The following ARHGEF10 variants were observed in gnomAD, a reference collection of about 807,000 sequenced individuals.
ARHGEF10 encodes the protein Rho guanine nucleotide exchange factor 10, also known as Rho guanine nucleotide exchange factor (GEF) 10.
A neutral mutation model predicts 147.4 loss-of-function variants in ARHGEF10; 140 were observed. That is an observed-to-expected ratio of 0.95 (90% CI 0.83 to 1.09). The LOEUF (loss-of-function observed/expected upper bound fraction) is 1.09, where lower values mean the gene tolerates loss of function less well. Among genes scored for constraint, ARHGEF10 ranks in the 50% least tolerant of loss-of-function variants. The pLI, the probability that ARHGEF10 is intolerant of heterozygous loss-of-function variation, is 0.00. For synonymous variants in ARHGEF10, 902 were observed against 695.8 expected (o/e 1.30, Z -4.67); for missense variants, 2,222 against 1,752.7 (o/e 1.27, Z -4.78).
At chr8:1,889,423 G>A (rs1478761459) in intron 11 of ARHGEF10, among the ~76,000 whole-genome samples, 1 of 65,798 alleles carries the variant, frequency 1.5e-5, no homozygotes, top group East Asian at 6.9e-4. Flanking sequence ...CACTGAGTGG[G>A]GTGAGGGGTC....
chr8:1,932,612 C>G (rs1813244078), intron 25 of ARHGEF10, among the ~76,000 whole-genome samples: 1 of 152,220 alleles, frequency 6.6e-6, no homozygotes. Context: ...AAAGGAAAAG[C>G]AAGCCCATGT....
At chr8:1,911,737 C>G (rs994718638) in intron 18 of ARHGEF10, among the ~76,000 whole-genome samples, 1 of 152,192 alleles carries the variant, frequency 6.6e-6, no homozygotes, top group African/African-American at 2.4e-5. Context: ...GAGTGCCACG[C>G]TGCAGCCGGT....
intron 1 of ARHGEF10, among the ~76,000 whole-genome samples, chr8:1,836,919 T>C (rs543795758): frequency 2.0e-5 from 3 of 152,344 alleles, no homozygotes; most frequent in African/African-American, 7.2e-5. Context: ...TCATTTTCTC[T>C]TGCCGCCGCC....
chr8:1,945,783 AT>A (rs1814530026), intron 27 of ARHGEF10, 128 bp downstream of exon 27: 3 of 1,390,070 alleles, frequency 2.2e-6, no homozygotes, highest in African/African-American at 1.4e-5. Flanking sequence ...CTGCCAGGTA[AT>A]GGGGTGGGAC....
chr8:1,837,146 C>T (rs1040897977), intron 1 of ARHGEF10, among the ~76,000 whole-genome samples: 1 of 152,256 alleles, frequency 6.6e-6, no homozygotes, highest in African/African-American at 2.4e-5. Flanking sequence ...AGTTTACAGT[C>T]TGCCTGAGAC....
At chr8:1,877,964 G>C (rs946587620) in intron 8 of ARHGEF10, among the ~76,000 whole-genome samples, 3 of 151,900 alleles carry the variant, frequency 2.0e-5, no homozygotes, top group African/African-American at 4.8e-5. Context: ...TTCATTCCTG[G>C]ACCTAGCTGC....
At position 1,859,695 on chromosome 8, in the gene ARHGEF10, C is replaced by G. The variant is rs1805931217; in HGVS notation, c.194-202C>G. 2.6e-5 allele frequency among the ~76,000 whole-genome samples: 4 copies of G among 152,230 alleles called. No homozygotes were observed. In the South Asian group the frequency reaches 8.3e-4, roughly 32 times the overall value. ...CCTGTAGTGACCAGGCTGCATCCGT[C>G]TCACCTGTGCCCAGAGGTGATGCTG... On this transcript the variant is annotated intron_variant, in intron 3 of 28. Transcript: ENST00000349830.
intron 9 of ARHGEF10, among the ~76,000 whole-genome samples, chr8:1,881,353 GA>G (rs140170124): frequency 0.024 from 3,675 of 152,316 alleles, 56 homozygotes; most frequent in African/African-American, 0.051. Flanking sequence ...CGGGGACCCT[GA>G]ACGGCGCTGG....
chr8:1,889,501 G>A (rs1181450006), intron 11 of ARHGEF10, among the ~76,000 whole-genome samples: 1 of 75,510 alleles, frequency 1.3e-5, no homozygotes, highest in Non-Finnish European at 2.5e-5. Flanking sequence ...GGGTCTGTGA[G>A]GAGACACTGA....
chr8:1,834,200 G>T (rs965692230), intron 1 of ARHGEF10, among the ~76,000 whole-genome samples: 1 of 152,240 alleles, frequency 6.6e-6, no homozygotes, highest in Non-Finnish European at 1.5e-5. Context: ...GCGCAGAGAG[G>T]GTCACACCTG....
rs183221874 is a variant in ARHGEF10 at position 1,891,787 on chromosome 8, C to T, written c.1183-1782C>T. On this transcript the variant is annotated intron_variant, in intron 11 of 28. Coordinates refer to ENST00000349830, the MANE Select transcript of ARHGEF10 (RefSeq NM_014629.4). ...ACCCCTTAGTGGGCATATAATTTGA[C>T]GTGTCAGATTGAGCTGCCAGAAAGA... 3.6e-4 allele frequency among the ~76,000 whole-genome samples: 55 copies of T among 152,160 alleles called. 1 individual carries two copies. Among genetic ancestry groups the T allele is most frequent in the African/African-American group, 1.2e-3 (50 of 41,506 alleles).
intron 2 of ARHGEF10, among the ~76,000 whole-genome samples, chr8:1,856,720 G>A (rs554711190): frequency 1.1e-3 from 167 of 152,284 alleles, no homozygotes; most frequent in Admixed American, 1.6e-3. Context: ...CCTGGCCCAC[G>A]GGGGATTGTC....
intron 1 of ARHGEF10, among the ~76,000 whole-genome samples, chr8:1,830,262 T>TCAGCGGCTCATTTCCCGTGGGGCC (rs1803012621): frequency 6.7e-6 from 1 of 149,516 alleles, no homozygotes; most frequent in Non-Finnish European, 1.5e-5. Flanking sequence ...CCCGTGGGGC[T>TCAGCGGCTCATTTCCCGTGGGGCC]CAGGCGGCTC....
At chr8:1,917,784 CT>C (rs577250362) in intron 18 of ARHGEF10, among the ~76,000 whole-genome samples, 1 of 150,994 alleles carries the variant, frequency 6.6e-6, no homozygotes, top group East Asian at 1.9e-4. Flanking sequence ...CTTTTCTTTT[CT>C]TTTTTTTGAG....
At chr8:1,918,460 CTGTGTGTGTGTGTGTGTGTGTG>C (rs60519090) in intron 18 of ARHGEF10, among the ~76,000 whole-genome samples, 1 of 140,854 alleles carries the variant, frequency 7.1e-6, no homozygotes, top group Admixed American at 7.0e-5. Flanking sequence ...CATTTGATGG[CTGTGTGTGTGTGTGTGTGTGTG>C]TGTGTGTGTG....
intron 17 of ARHGEF10, among the ~76,000 whole-genome samples, chr8:1,907,279 C>T (rs1810973179): frequency 6.6e-6 from 1 of 152,146 alleles, no homozygotes; most frequent in South Asian, 2.1e-4. Flanking sequence ...CCCCCCTCTC[C>T]ATGTAACACC....
chr8:1,930,001 G>A (rs1470653521), intron 25 of ARHGEF10, among the ~76,000 whole-genome samples: 1 of 152,182 alleles, frequency 6.6e-6, no homozygotes, highest in African/African-American at 2.4e-5. Flanking sequence ...TCCAGCCCCT[G>A]CCGCGTTGGT....
At position 1,929,370 on chromosome 8, in the gene ARHGEF10, C is replaced by A. The variant is rs1441998803; in HGVS notation, c.3006C>A (p.Ser1002Arg). The change falls in exon 25 of 29, where the codon AGC becomes AGA. Residue 1002 changes from serine to arginine, a missense_variant. Physicochemically the swap from Ser to Arg is moderately radical, Grantham distance 110. Coordinates refer to ENST00000349830, the MANE Select transcript of ARHGEF10 (RefSeq NM_014629.4). Reference protein sequence around the residue: ...FFTPEKSTVMSLACTSQSLYA... With the variant: ...FFTPEKSTVMRLACTSQSLYA... The stretch of plus-strand genomic sequence containing the variant: ...CTCCTGAGAAGTCCACAGTCATGAG[C>A]CTGGCTTGCACGTCTCAGAGCCTGT... 5.6e-6 allele frequency: 9 copies of A among 1,613,790 alleles called. No individual in the cohort carries two copies. Among genetic ancestry groups the A allele is most frequent in the South Asian group, 1.1e-5 (1 of 91,056 alleles).
At chr8:1,833,506 C>T (rs1008764956) in intron 1 of ARHGEF10, among the ~76,000 whole-genome samples, 3 of 152,140 alleles carry the variant, frequency 2.0e-5, no homozygotes, top group Middle Eastern at 3.2e-3. Flanking sequence ...GGCCTTCAGC[C>T]GCTGCCACTG....
Sources: allele counts gnomAD v4.1 joint callset (sites outside exome capture counted in the v4.1 genomes callset), GRCh38; gene constraint gnomAD v4.1.1; transcripts MANE v1.5; gene names NCBI Gene and HGNC (gene_info 2026-07-23, HGNC 2026-07-21).